Variants in KAZN observed in about 807,000 individuals in gnomAD.
KAZN encodes kazrin, periplakin interacting protein.
In KAZN, 40 loss-of-function variants were observed where a neutral mutation model predicts 87.4. The ratio of observed to expected loss-of-function variants is 0.46; its 90% CI spans 0.36 to 0.60. The LOEUF (loss-of-function observed/expected upper bound fraction) is 0.60, where lower values mean the gene tolerates loss of function less well. Among genes scored for constraint, KAZN ranks in the 20% least tolerant of loss-of-function variants. The pLI is 0.00. For missense variants in KAZN, 898 were observed against 1,073.9 expected (o/e 0.84, Z 2.29); for synonymous variants, 466 against 458.3 (o/e 1.02, Z -0.22).
In KAZN at chr1:15,112,328, AATGTGTGTGTGTGTGT is replaced by A. The variant is rs1641660126; in HGVS notation, c.2049-98_2049-83del. 7.4e-6 allele frequency: 5 copies of A among 671,162 alleles called. No individual in the cohort carries two copies. In the East Asian group the frequency reaches 1.2e-4, roughly 15 times the overall value. 41.6% of individuals were successfully genotyped at this position (671,162 alleles called of 1,614,324 possible). On this transcript the variant is annotated intron_variant, in intron 13 of 14. Coordinates refer to ENST00000376030, the MANE Select transcript of KAZN (RefSeq NM_201628.3). ...CTCAGCAGCTGTGGTCATTGTCACC[AATGTGTGTGTGTGTGT>A]GTGTGTGTGTGTGTGTGTGTGTGTG... is the stretch of plus-strand genomic sequence containing the variant.
chr1:13,969,614 C>T (rs56116825), intron 1 of KAZN, among the ~76,000 whole-genome samples: 17,544 of 152,100 alleles, frequency 0.12, 1,246 homozygotes, highest in Middle Eastern at 0.22. Context: ...GAAGCCTACT[C>T]CTACCTTGCA....
chr1:14,715,976 A>T (rs1172070531), intron 1 of KAZN, among the ~76,000 whole-genome samples: 1 of 152,204 alleles, frequency 6.6e-6, no homozygotes, highest in Non-Finnish European at 1.5e-5. Context: ...AAGGTCTTTA[A>T]TCAACTGTGG....
At chr1:14,357,881 T>A (rs1389673322) in intron 2 of KAZN, among the ~76,000 whole-genome samples, 1 of 152,188 alleles carries the variant, frequency 6.6e-6, no homozygotes, top group Non-Finnish European at 1.5e-5. Context: ...AGCCTGAAAC[T>A]TTCTTTTTCA....
At chr1:14,976,194 G>T (rs563588964) in intron 2 of KAZN, among the ~76,000 whole-genome samples, 8 of 152,210 alleles carry the variant, frequency 5.3e-5, no homozygotes, top group East Asian at 3.9e-4. Flanking sequence ...TTGAGACAAG[G>T]TCTCATTCCT....
At chr1:14,362,336 G>A (rs563242210) in intron 2 of KAZN, among the ~76,000 whole-genome samples, 9 of 152,232 alleles carry the variant, frequency 5.9e-5, no homozygotes, top group Non-Finnish European at 8.8e-5. Context: ...TTTGTGATAC[G>A]GCCTTCTTCA....
At chr1:14,804,280 C>T (rs970166791) in intron 1 of KAZN, among the ~76,000 whole-genome samples, 2 of 152,212 alleles carry the variant, frequency 1.3e-5, no homozygotes, top group African/African-American at 4.8e-5. Flanking sequence ...GGCAGAGCTC[C>T]CCAGTCCAAA....
At chr1:14,553,611 G>C (rs1362367751) in intron 2 of KAZN, among the ~76,000 whole-genome samples, 2 of 152,198 alleles carry the variant, frequency 1.3e-5, no homozygotes, top group Admixed American at 1.3e-4. Flanking sequence ...GCTAGTGAAG[G>C]TGCCCCCTTG....
intron 2 of KAZN, among the ~76,000 whole-genome samples, chr1:14,349,777 G>C (rs766324239): frequency 2.6e-5 from 4 of 152,148 alleles, no homozygotes; most frequent in Admixed American, 6.5e-5. Context: ...GGGACAGCCT[G>C]GCCTGGCAGG....
In KAZN at chr1:14,923,779, G is replaced by A. The variant is rs1193469183; in HGVS notation, c.227-36905G>A. Among the ~76,000 whole-genome samples the A allele has an allele frequency of 6.6e-6, 1 of 152,224 alleles. No individual in the cohort carries two copies. Among genetic ancestry groups the A allele is most frequent in the Admixed American group, 6.5e-5 (1 of 15,286 alleles). ...CTTCTGACCTCTCCCGGTCAGCTGT[G>A]GGGACCTCGGCTCTCGGCAAGGCTG... On this transcript the variant is annotated intron_variant, in intron 1 of 14. Coordinates refer to ENST00000376030, the MANE Select transcript of KAZN (RefSeq NM_201628.3). This position sits in a 1 kb window ranked among gnomAD's most constrained non-coding sequence, Gnocchi z 4.2.
intron 2 of KAZN, among the ~76,000 whole-genome samples, chr1:14,307,864 C>T (rs1358775051): frequency 2.0e-5 from 3 of 152,154 alleles, no homozygotes; most frequent in East Asian, 3.9e-4. Context: ...AACTTTGCAT[C>T]GAAGCAAACT....
chr1:14,548,498 C>T (rs775402592), intron 2 of KAZN, among the ~76,000 whole-genome samples: 1 of 152,174 alleles, frequency 6.6e-6, no homozygotes, highest in Non-Finnish European at 1.5e-5. Flanking sequence ...CGTGCCCAGC[C>T]TCCACGCATT....
At chr1:14,795,888 A>G (rs1174499408) in intron 1 of KAZN, among the ~76,000 whole-genome samples, 2 of 152,174 alleles carry the variant, frequency 1.3e-5, no homozygotes, top group African/African-American at 2.4e-5. Context: ...ACCTTTCAGA[A>G]AGCCTTGTCT....
At chr1:14,142,468 C>G (rs995173582) in intron 1 of KAZN, among the ~76,000 whole-genome samples, 2 of 152,158 alleles carry the variant, frequency 1.3e-5, no homozygotes, top group African/African-American at 4.8e-5. Flanking sequence ...TTTTTAAGAG[C>G]TACAGTGAGT....
intron 2 of KAZN, among the ~76,000 whole-genome samples, chr1:14,226,499 C>T (rs1647302816): frequency 6.6e-6 from 1 of 152,134 alleles, no homozygotes; most frequent in Admixed American, 6.6e-5. Context: ...TTGGAGGTTT[C>T]TCAGAGAACT....
At chr1:14,558,258 CT>C (rs1468384209) in intron 2 of KAZN, among the ~76,000 whole-genome samples, 3 of 152,198 alleles carry the variant, frequency 2.0e-5, no homozygotes, top group Non-Finnish European at 2.9e-5. Context: ...TCTTGTTACA[CT>C]AGTCGCCAAA....
chr1:14,398,460 C>G (rs1663085905), intron 2 of KAZN, among the ~76,000 whole-genome samples: 1 of 152,196 alleles, frequency 6.6e-6, no homozygotes, highest in African/African-American at 2.4e-5. Flanking sequence ...GCACCTGAAA[C>G]AGTGCCTGGT....
At chr1:14,741,847 G>C (rs1437583860) in intron 1 of KAZN, among the ~76,000 whole-genome samples, 1 of 152,156 alleles carries the variant, frequency 6.6e-6, no homozygotes, top group African/African-American at 2.4e-5. Flanking sequence ...AAACTGATGA[G>C]GGGCCCTGAA....
intron 1 of KAZN, among the ~76,000 whole-genome samples, chr1:13,925,364 G>A (rs1304383205): frequency 6.6e-6 from 1 of 152,192 alleles, no homozygotes; most frequent in Non-Finnish European, 1.5e-5. Flanking sequence ...TATGTTGAAA[G>A]GATGTTCTTA....
intron 2 of KAZN, among the ~76,000 whole-genome samples, chr1:15,010,659 G>A (rs570469336): frequency 4.1e-4 from 62 of 152,154 alleles, no homozygotes; most frequent in African/African-American, 1.5e-3. Flanking sequence ...CCAAAGTGCT[G>A]GATTACAGGC....
Sources: gnomAD v4.1 joint callset for allele counts (sites outside exome capture counted in the v4.1 genomes callset) on GRCh38, gnomAD v4.1.1 for gene constraint, Gnocchi (gnomAD v3.1) non-coding constraint, MANE v1.5 for transcripts, NCBI Gene and HGNC (gene_info 2026-07-23, HGNC 2026-07-21) for gene names.